CHFR: variants seen among roughly 807,000 people sequenced by gnomAD.
CHFR encodes checkpoint with forkhead and ring finger domains, also known as E3 ubiquitin-protein ligase CHFR.
Under a neutral mutation model 87.6 loss-of-function variants are expected in CHFR, and 57 were observed. The ratio of observed to expected loss-of-function variants is 0.65; its 90% CI spans 0.53 to 0.81. The LOEUF (loss-of-function observed/expected upper bound fraction) is 0.81. CHFR is among the 30% of genes least tolerant of loss of function. CHFR has a pLI of 0.00. For missense variants in CHFR, 797 were observed against 865.8 expected, an observed-to-expected ratio of 0.92 and a Z score of 1.00; for synonymous variants, 381 against 359.2, an observed-to-expected ratio of 1.06 and a Z score of -0.69.
At chr12:132,873,245 G>A (rs1951533326) in intron 3 of CHFR, among the ~76,000 whole-genome samples, 1 of 152,198 alleles carries the variant, frequency 6.6e-6, no homozygotes, top group African/African-American at 2.4e-5. Flanking sequence ...TCCATAAACA[G>A]AGGGTAAACA....
chr12:132,875,835 G>T (rs2137040902), intron 3 of CHFR, among the ~76,000 whole-genome samples: 1 of 152,200 alleles, frequency 6.6e-6, no homozygotes, highest in African/African-American at 2.4e-5. Context: ...AAGATGAGCT[G>T]GATGTAGATG....
chr12:132,864,584 G>A lies in CHFR; in HGVS notation c.584-2950C>T, dbSNP rs901533257. ...GCTCACTGCAACCTCCACCTCCTGG[G>A]TTCAAGAGATTCTCATGCCTCAGCC... On this transcript the variant is annotated intron_variant, in intron 6 of 17. Transcript: ENST00000450056. Among the ~76,000 whole-genome samples, 3 of 152,316 alleles carry A rather than the reference G, an allele frequency of 2.0e-5. No individual in the cohort carries two copies. The East Asian group carries it at 5.8e-4, about 29-fold the overall frequency.
chr12:132,861,239 G>A (rs1951203291), intron 7 of CHFR, among the ~76,000 whole-genome samples: 1 of 152,186 alleles, frequency 6.6e-6, no homozygotes, highest in Admixed American at 6.5e-5. Context: ...TCCAGACCAA[G>A]AGAACAGCCT....
chr12:132,876,132 TAC>T (rs1239542251), intron 3 of CHFR, among the ~76,000 whole-genome samples: 9 of 149,380 alleles, frequency 6.0e-5, no homozygotes, highest in Non-Finnish European at 1.3e-4. Flanking sequence ...GCCGAGATCG[TAC>T]CACTGCACTT....
chr12:132,860,355 C>G (rs2136978436), intron 7 of CHFR, among the ~76,000 whole-genome samples: 1 of 152,000 alleles, frequency 6.6e-6, no homozygotes, highest in South Asian at 2.1e-4. Context: ...CAAGTATTCA[C>G]TGCTGAGCCA....
intron 15 of CHFR, among the ~76,000 whole-genome samples, chr12:132,845,891 A>T (rs1008449023): frequency 5.3e-5 from 8 of 152,294 alleles, no homozygotes; most frequent in Non-Finnish European, 1.2e-4. Context: ...ATTAGGCATA[A>T]TTGAAGCCTG....
In CHFR at chr12:132,868,351, G is replaced by A. The variant is rs139666428; in HGVS notation, c.583+1268C>T. Among the ~76,000 whole-genome samples, 257 of 152,238 alleles carry A rather than the reference G, an allele frequency of 1.7e-3. 2 individuals carry two copies. Among genetic ancestry groups the A allele is most frequent in the East Asian group, 4.1e-3 (21 of 5,178 alleles). ...TAAAAATACAAAAAATTAGCCAGGCGTGGTGACGGGTGCCTGTAGTCCCAG... is the reference window on the plus strand; with the variant it reads ...TAAAAATACAAAAAATTAGCCAGGCATGGTGACGGGTGCCTGTAGTCCCAG... On this transcript the variant is annotated intron_variant, in intron 6 of 17. Transcript: ENST00000450056.
At chr12:132,862,475 G>A (rs1035544978) in intron 6 of CHFR, 15 of 442,118 alleles carry the variant, frequency 3.4e-5, no homozygotes, top group African/African-American at 1.8e-4. Context: ...GTGACAGTAC[G>A]AGCATATGGT....
rs116613429 is a variant in CHFR at position 132,873,358 on chromosome 12, G to A, written c.234-964C>T. 3.5e-3 allele frequency among the ~76,000 whole-genome samples: 537 copies of A among 152,316 alleles called. 1 individual carries two copies. The highest frequency in any genetic ancestry group is 0.01 in the African/African-American group (421 of 41,566). On this transcript the variant is annotated intron_variant, in intron 3 of 17. Transcript: ENST00000450056. ...AATGAACTGCCACAGCCGTCTCCCC[G>A]TAAAACCTCCGAAACCAGGCAGTGG...
chr12:132,850,191 G>A (rs1299088212), intron 12 of CHFR, among the ~76,000 whole-genome samples: 2 of 152,002 alleles, frequency 1.3e-5, no homozygotes, highest in Non-Finnish European at 2.9e-5. Flanking sequence ...CTAACCTCGT[G>A]ATCCACCCAC....
chr12:132,879,178 G>A (rs1247925178), intron 2 of CHFR, among the ~76,000 whole-genome samples: 1 of 150,342 alleles, frequency 6.7e-6, no homozygotes. Context: ...CTAATTTTTT[G>A]TATTTTTAGT....
intron 2 of CHFR, among the ~76,000 whole-genome samples, chr12:132,885,979 G>C (rs1050368088): frequency 1.3e-5 from 2 of 152,124 alleles, no homozygotes; most frequent in African/African-American, 4.8e-5. Context: ...AATAAACTTT[G>C]ACTTGATACT....
chr12:132,875,375 C>T (rs1489894510), intron 3 of CHFR, among the ~76,000 whole-genome samples: 7 of 152,174 alleles, frequency 4.6e-5, no homozygotes, highest in African/African-American at 1.2e-4. Context: ...GGTGTGGGGG[C>T]TCACACTTGC....
chr12:132,865,555 T>C (rs1336743919), intron 6 of CHFR, among the ~76,000 whole-genome samples: 1 of 151,564 alleles, frequency 6.6e-6, no homozygotes, highest in Non-Finnish European at 1.5e-5. Context: ...GTATTTTCAG[T>C]AGAGACGGGG....
chr12:132,845,928 A>G (rs1435766274), intron 15 of CHFR, among the ~76,000 whole-genome samples: 1 of 152,170 alleles, frequency 6.6e-6, no homozygotes, highest in Non-Finnish European at 1.5e-5. Context: ...CCTGTGATCA[A>G]TTTAGCAGCT....
At chr12:132,870,513 A>G (rs1951463647) in intron 5 of CHFR, among the ~76,000 whole-genome samples, 1 of 148,500 alleles carries the variant, frequency 6.7e-6, no homozygotes, top group East Asian at 2.0e-4. Flanking sequence ...GCTGAGCAAC[A>G]AGAGCAAAAC....
At chr12:132,851,588 C>G in intron 12 of CHFR, 30 bp downstream of exon 12, 1 of 1,585,472 alleles carries the variant, frequency 6.3e-7, no homozygotes, top group Non-Finnish European at 8.6e-7. Context: ...AGATAGGAAC[C>G]CGCCTGCGTG....
chr12:132,867,024 ACT>A (rs1167970791), intron 6 of CHFR: 5 of 152,202 alleles, frequency 3.3e-5, no homozygotes, highest in East Asian at 1.9e-4. Flanking sequence ...ACAGAGCAAG[ACT>A]CTGTCTCAAA....
Position 132,838,475 on chromosome 12 carries a change from G to A in CHFR, c.*3079C>T, listed in dbSNP as rs1013336232. 9.2e-5 allele frequency: 14 copies of A among 152,478 alleles called. No individual in the cohort carries two copies. The highest frequency in any genetic ancestry group is 2.6e-4 in the Admixed American group (4 of 15,286). The allele number at this position is 152,478 out of a possible 1,614,324, so 9.4% of individuals were successfully genotyped here. A position where few individuals can be genotyped will look rare whatever the true frequency, so the allele number is the denominator to read the frequency against. Reference sequence around the variant, plus strand: ...CTTGGAGCCTGGGCAGCACACGGAGGGGTGGGCAGGGCTGACCCCCGCTTC... The same window carrying A: ...CTTGGAGCCTGGGCAGCACACGGAGAGGTGGGCAGGGCTGACCCCCGCTTC... On this transcript the variant is annotated 3_prime_UTR_variant, in exon 18 of 18. Transcript: ENST00000450056.
Sources: gnomAD v4.1 joint callset for allele counts (sites outside exome capture counted in the v4.1 genomes callset) on GRCh38, gnomAD v4.1.1 for gene constraint, MANE v1.5 for transcripts, NCBI Gene and HGNC (gene_info 2026-07-23, HGNC 2026-07-21) for gene names.